The following RGS6 variants were observed in gnomAD, a reference collection of about 807,000 sequenced individuals.
RGS6 encodes regulator of G-protein signaling 6.
Under a neutral mutation model 78.5 loss-of-function variants are expected in RGS6, and 30 were observed. The ratio of observed to expected loss-of-function variants is 0.38; its 90% CI spans 0.29 to 0.52. The LOEUF is 0.52. Among genes scored for constraint, RGS6 ranks in the 20% least tolerant of loss-of-function variants. RGS6 has a pLI of 0.85. For missense variants in RGS6, 495 were observed against 609.7 expected (o/e 0.81, Z 1.98); for synonymous variants, 206 against 206.0 (o/e 1.00, Z 0.00).
chr14:72,360,076 A>T (rs908408621), intron 3 of RGS6, among the ~76,000 whole-genome samples: 3 of 152,156 alleles, frequency 2.0e-5, no homozygotes, highest in African/African-American at 7.2e-5. Context: ...TTTGTATTAT[A>T]GAAATGACTC....
chr14:72,433,527 C>T (rs2094753987), intron 3 of RGS6, among the ~76,000 whole-genome samples: 1 of 151,994 alleles, frequency 6.6e-6, no homozygotes, highest in Admixed American at 6.6e-5. Flanking sequence ...AAAGAATAAT[C>T]CAGAAAGTCA....
At chr14:72,515,534 CA>C (rs1471707786) in intron 14 of RGS6, among the ~76,000 whole-genome samples, 2 of 152,148 alleles carry the variant, frequency 1.3e-5, no homozygotes, top group Non-Finnish European at 2.9e-5. Flanking sequence ...AGCATGGTGA[CA>C]TGCCCCTGTA....
the RGS6 span, chr14:71,908,567 A>G: frequency 6.7e-6 from 1 of 149,072 alleles, no homozygotes; most frequent in Non-Finnish European, 1.5e-5. Context: ...GAAAGTGTAT[A>G]GAACAGTCAG....
intron 2 of RGS6, among the ~76,000 whole-genome samples, chr14:72,252,134 A>G (rs529721212): frequency 9.2e-5 from 14 of 152,336 alleles, no homozygotes; most frequent in Non-Finnish European, 1.9e-4. Context: ...CCTGTGGAAG[A>G]TCCCTGGAGG....
chr14:72,231,740 G>A (rs563965219), intron 2 of RGS6, among the ~76,000 whole-genome samples: 1 of 152,294 alleles, frequency 6.6e-6, no homozygotes, highest in South Asian at 2.1e-4. Context: ...GGAGAGCGTG[G>A]GCTATGAATA....
chr14:71,918,031 A>G, the RGS6 span, among the ~76,000 whole-genome samples: 4 of 151,804 alleles, frequency 2.6e-5, no homozygotes, highest in Admixed American at 2.6e-4. Flanking sequence ...AAAATAAAAA[A>G]TTAGCCGGGC....
At chr14:72,346,342 A>C (rs942781792) in intron 2 of RGS6, among the ~76,000 whole-genome samples, 1 of 152,208 alleles carries the variant, frequency 6.6e-6, no homozygotes, top group Non-Finnish European at 1.5e-5. Flanking sequence ...TAGGAGTGTC[A>C]CGGGTCAAAG....
At chr14:72,137,336 C>G (rs777003678) in intron 2 of RGS6, among the ~76,000 whole-genome samples, 3 of 152,180 alleles carry the variant, frequency 2.0e-5, no homozygotes, top group Admixed American at 2.0e-4. Flanking sequence ...TTTTTCTATT[C>G]TCACCCGCCA....
At chr14:72,044,551 T>C (rs2092685147) in intron 2 of RGS6, among the ~76,000 whole-genome samples, 1 of 152,160 alleles carries the variant, frequency 6.6e-6, no homozygotes, top group African/African-American at 2.4e-5. Context: ...GAGACATTCA[T>C]CTGCTTCTGA....
At chr14:72,117,136 A>C (rs979624310) in intron 2 of RGS6, among the ~76,000 whole-genome samples, 1 of 152,194 alleles carries the variant, frequency 6.6e-6, no homozygotes, top group Non-Finnish European at 1.5e-5. Context: ...GCCAGTGCCC[A>C]GGTCCTGGAG....
intron 2 of RGS6, among the ~76,000 whole-genome samples, chr14:72,263,665 C>A (rs1353542645): frequency 1.3e-5 from 2 of 152,134 alleles, no homozygotes; most frequent in African/African-American, 2.4e-5. Context: ...AGAGGTCTCT[C>A]ACCCCTTTCA....
intron 2 of RGS6, among the ~76,000 whole-genome samples, chr14:72,331,533 G>A (rs1459739002): frequency 1.3e-5 from 2 of 152,166 alleles, no homozygotes; most frequent in Non-Finnish European, 1.5e-5. Flanking sequence ...ACTTGGTGTC[G>A]GCCGGGAGCT....
intron 2 of RGS6, among the ~76,000 whole-genome samples, chr14:72,139,579 A>T (rs1017388997): frequency 6.6e-6 from 1 of 152,130 alleles, no homozygotes; most frequent in African/African-American, 2.4e-5. Context: ...AAGAAAAAAA[A>T]TACTGTTTGC....
At chr14:72,111,207 C>T (rs2095754124) in intron 2 of RGS6, among the ~76,000 whole-genome samples, 1 of 152,162 alleles carries the variant, frequency 6.6e-6, no homozygotes, top group Non-Finnish European at 1.5e-5. Flanking sequence ...TCCACAGTTA[C>T]TGTAAAAAGA....
chr14:72,265,297 T>C (rs1324740833), intron 2 of RGS6, among the ~76,000 whole-genome samples: 1 of 152,180 alleles, frequency 6.6e-6, no homozygotes, highest in Non-Finnish European at 1.5e-5. Context: ...GGCAACTCTG[T>C]GGCCAATGCG....
chr14:72,424,585 A>G (rs1227013820), intron 3 of RGS6, among the ~76,000 whole-genome samples: 1 of 152,218 alleles, frequency 6.6e-6, no homozygotes, highest in South Asian at 2.1e-4. Context: ...AGGATAAATC[A>G]TATCTGTATT....
chr14:72,413,431 C>T (rs1176234121), intron 3 of RGS6, among the ~76,000 whole-genome samples: 1 of 152,130 alleles, frequency 6.6e-6, no homozygotes, highest in African/African-American at 2.4e-5. Flanking sequence ...GTAGATCTTC[C>T]TCCATCCCTT....
At chr14:72,513,311 A>G (rs1202281867) in intron 14 of RGS6, among the ~76,000 whole-genome samples, 1 of 152,094 alleles carries the variant, frequency 6.6e-6, no homozygotes, top group African/African-American at 2.4e-5. Context: ...TTAAGGAACA[A>G]TTTCTATGAT....
intron 2 of RGS6, among the ~76,000 whole-genome samples, chr14:72,195,156 C>T (rs539179635): frequency 9.2e-5 from 14 of 151,722 alleles, no homozygotes; most frequent in African/African-American, 2.7e-4. Flanking sequence ...TGCAGTGAGC[C>T]GAGATCGCAC....
Sources: allele counts gnomAD v4.1 joint callset (sites outside exome capture counted in the v4.1 genomes callset), GRCh38; gene constraint gnomAD v4.1.1; transcripts MANE v1.5; gene names NCBI Gene and HGNC (gene_info 2026-07-23, HGNC 2026-07-21).